The following STK3 variants were observed in gnomAD, a reference collection of about 807,000 sequenced individuals.
STK3 encodes serine/threonine kinase 3.
A neutral mutation model predicts 58.0 loss-of-function variants in STK3; 41 were observed. The observed-to-expected ratio is 0.71, with a 90% CI of 0.55 to 0.92. The LOEUF (loss-of-function observed/expected upper bound fraction) is 0.92, where lower values mean the gene tolerates loss of function less well. STK3 is among the 40% of genes least tolerant of loss of function. STK3 has a pLI of 0.00. For missense variants in STK3, 479 were observed against 602.7 expected, an observed-to-expected ratio of 0.79 and a Z score of 2.15; for synonymous variants, 170 against 191.0, an observed-to-expected ratio of 0.89 and a Z score of 0.91.
At chr8:98,768,134 G>A (rs2131449332) in intron 2 of STK3, among the ~76,000 whole-genome samples, 1 of 152,296 alleles carries the variant, frequency 6.6e-6, no homozygotes, top group Non-Finnish European at 1.5e-5. Flanking sequence ...ACTATGTACT[G>A]AGTTCTTACT....
At chr8:98,824,604 A>AC (rs869262423) in intron 1 of STK3, among the ~76,000 whole-genome samples, 4 of 151,432 alleles carry the variant, frequency 2.6e-5, no homozygotes, top group Non-Finnish European at 4.4e-5. Context: ...CTCCTTCACG[A>AC]CCCCCCCTTT....
chr8:98,439,286 T>C (rs895448303), intron 1 of STK3: 1 of 152,198 alleles, frequency 6.6e-6, no homozygotes, highest in African/African-American at 2.4e-5. Context: ...ATTGCCCTTC[T>C]GGATAAATTG....
intron 1 of STK3, among the ~76,000 whole-genome samples, chr8:98,809,738 G>A (rs540625710): frequency 2.4e-4 from 36 of 152,100 alleles, no homozygotes; most frequent in African/African-American, 8.2e-4. Context: ...CCATTCATCC[G>A]CTGGTGGACA....
chr8:98,485,754 G>T (rs972464594), intron 10 of STK3, among the ~76,000 whole-genome samples: 2 of 152,176 alleles, frequency 1.3e-5, no homozygotes, highest in African/African-American at 4.8e-5. Context: ...CTAGAGTTCG[G>T]GGGCACAGAG....
At chr8:98,619,228 T>C (rs1303844504) in intron 6 of STK3, among the ~76,000 whole-genome samples, 1 of 149,310 alleles carries the variant, frequency 6.7e-6, no homozygotes, top group African/African-American at 2.5e-5. Flanking sequence ...GATTCCCTAT[T>C]TAATAAATGG....
rs145157691 is a variant in STK3, at chr8:98,733,040, T to C, written c.351+16236A>G. On this transcript the variant is annotated intron_variant, in intron 4 of 10. Coordinates refer to ENST00000419617, the MANE Select transcript of STK3 (RefSeq NM_006281.4). ...TGGGAACATTCTTCTTTGGGTAACC[T>C]AGGGGTACAACACTGGATATTTAGA... Among the ~76,000 whole-genome samples the C allele has an allele frequency of 3.3e-4, 50 of 152,322 alleles. 1 individual carries two copies. The highest frequency in any genetic ancestry group is 1.2e-3 in the African/African-American group (49 of 41,574).
rs559809322 is a variant in STK3 at position 98,685,755 on chromosome 8, A to G, written c.684+20712T>C. ...AAGGTATCACCTAAAATAGGCAAAAAAATAGGGAAGAGAAAGGAAAGGAAA... is the reference window on the plus strand; with the variant it reads ...AAGGTATCACCTAAAATAGGCAAAAGAATAGGGAAGAGAAAGGAAAGGAAA... On this transcript the variant is annotated intron_variant, in intron 6 of 10. Transcript: ENST00000419617. Among the ~76,000 whole-genome samples, 7 of 152,222 alleles carry G rather than the reference A, an allele frequency of 4.6e-5. No individual in the cohort carries two copies. The South Asian group carries it at 1.5e-3, about 32-fold the overall frequency.
chr8:98,895,140 C>A (rs1383083646), intron 1 of STK3, among the ~76,000 whole-genome samples: 1 of 152,058 alleles, frequency 6.6e-6, no homozygotes, highest in Non-Finnish European at 1.5e-5. Context: ...TATCTGCTCC[C>A]TGTGCCAGGT....
At chr8:98,551,442 A>C (rs1811161507) in intron 8 of STK3, among the ~76,000 whole-genome samples, 1 of 152,184 alleles carries the variant, frequency 6.6e-6, no homozygotes, top group Non-Finnish European at 1.5e-5. Context: ...ATCAAAATGA[A>C]GTCATTTCTG....
intron 3 of STK3, among the ~76,000 whole-genome samples, chr8:98,755,480 C>T (rs1830229732): frequency 6.6e-6 from 1 of 152,216 alleles, no homozygotes; most frequent in South Asian, 2.1e-4. Flanking sequence ...GAATGGAATG[C>T]ATTCATATTC....
chr8:98,447,104 A>G (rs1170074557), intron 1 of STK3, among the ~76,000 whole-genome samples: 3 of 152,120 alleles, frequency 2.0e-5, no homozygotes, highest in Non-Finnish European at 4.4e-5. Flanking sequence ...GAGGGTGGCA[A>G]GAGGGAGAGG....
intron 6 of STK3, among the ~76,000 whole-genome samples, chr8:98,674,551 C>T (rs753416846): frequency 5.9e-5 from 9 of 152,018 alleles, no homozygotes; most frequent in Non-Finnish European, 1.2e-4. Flanking sequence ...AGTAAAAAAG[C>T]ATTCTATATA....
intron 4 of STK3, among the ~76,000 whole-genome samples, chr8:98,708,063 T>C (rs200362785): frequency 6.6e-6 from 1 of 151,034 alleles, no homozygotes; most frequent in Non-Finnish European, 1.5e-5. Flanking sequence ...CACTTGAACC[T>C]GGGAGGCAGA....
At chr8:98,433,055 G>C (rs4734405) in intron 3 of STK3, among the ~76,000 whole-genome samples, 20,748 of 152,110 alleles carry the variant, frequency 0.14, 2,293 homozygotes, top group East Asian at 0.41. Context: ...TCCTGAGAAA[G>C]CCTGGGTGTT....
At chr8:98,838,863 G>T (rs149133746) in intron 3 of STK3, among the ~76,000 whole-genome samples, 1 of 147,408 alleles carries the variant, frequency 6.8e-6, no homozygotes, top group Non-Finnish European at 1.5e-5. Flanking sequence ...CTCCCTCCCC[G>T]CAATCCCGCC....
At chr8:98,590,341 G>A (rs959259168) in intron 7 of STK3, among the ~76,000 whole-genome samples, 7 of 152,242 alleles carry the variant, frequency 4.6e-5, no homozygotes, top group South Asian at 2.1e-4. Context: ...AAGAGTTACC[G>A]AAAGCTCGGC....
At chr8:98,642,798 C>T (rs985229919) in intron 6 of STK3, among the ~76,000 whole-genome samples, 1 of 152,150 alleles carries the variant, frequency 6.6e-6, no homozygotes, top group Non-Finnish European at 1.5e-5. Flanking sequence ...CCCAGACAGG[C>T]AGATGGATGG....
At chr8:98,387,949 C>A (rs1262132329) in intron 1 of STK3, among the ~76,000 whole-genome samples, 1 of 147,650 alleles carries the variant, frequency 6.8e-6, no homozygotes, top group Non-Finnish European at 1.5e-5. Flanking sequence ...ATAGCAAAGA[C>A]TATGGCAATC....
At chr8:98,723,856 T>C (rs1229032770) in intron 4 of STK3, among the ~76,000 whole-genome samples, 3 of 152,178 alleles carry the variant, frequency 2.0e-5, no homozygotes, top group Admixed American at 6.5e-5. Context: ...TTTTAAGGCC[T>C]GGATCAAACT....
Sources: allele counts gnomAD v4.1 joint callset (sites outside exome capture counted in the v4.1 genomes callset), GRCh38; gene constraint gnomAD v4.1.1; transcripts MANE v1.5; gene names NCBI Gene and HGNC (gene_info 2026-07-23, HGNC 2026-07-21).